Variants in PDCD6 observed in about 807,000 individuals in gnomAD.
The protein encoded by PDCD6 is programmed cell death protein 6.
Under a neutral mutation model 28.3 loss-of-function variants are expected in PDCD6, and 12 were observed. The ratio of observed to expected loss-of-function variants is 0.42; its 90% CI spans 0.27 to 0.69. The LOEUF (loss-of-function observed/expected upper bound fraction) is 0.69. Among genes scored for constraint, PDCD6 ranks in the 30% least tolerant of loss-of-function variants. The probability of loss-of-function intolerance (pLI) is 0.22; values close to 1 mark genes in which losing one functional copy is unlikely to be tolerated. For synonymous variants in PDCD6, 92 were observed against 108.0 expected (o/e 0.85, Z 0.92); for missense variants, 226 against 269.9 (o/e 0.84, Z 1.14).
chr5:271,877 C>A, intron 1 of PDCD6, 56 bp downstream of exon 1: 1 of 986,788 alleles, frequency 1.0e-6, no homozygotes, highest in East Asian at 3.2e-5. Flanking sequence ...GCCCCGACCC[C>A]TGTCCCGACT....
Position 307,377 on chromosome 5 carries a change from C to T in PDCD6, c.367+617C>T, listed in dbSNP as rs567033617. ...CGTGTGTGTGCACACGTGTGCCGTG[C>T]GCCTCAGAAGGGGCGTTAGGCAGAA... is the stretch of plus-strand genomic sequence containing the variant. On this transcript the variant is annotated intron_variant, in intron 4 of 5. Coordinates refer to ENST00000264933, the MANE Select transcript of PDCD6 (RefSeq NM_013232.4). The surrounding 1 kb of genome is among the most constrained non-coding windows in gnomAD (Gnocchi z 6.1). 2.0e-5 allele frequency among the ~76,000 whole-genome samples: 3 copies of T among 149,104 alleles called. No homozygotes were observed. The highest frequency in any genetic ancestry group is 6.7e-5 in the Admixed American group (1 of 14,956).
chr5:295,922 G>A (rs1002550779), intron 2 of PDCD6, among the ~76,000 whole-genome samples: 4 of 151,518 alleles, frequency 2.6e-5, no homozygotes, highest in Admixed American at 2.6e-4. Context: ...GTGACTGTGT[G>A]TAAGGAAAAC....
chr5:306,696 G>A lies in PDCD6; in HGVS notation c.303G>A (p.Thr101=), dbSNP rs539994267. ...YITDWQNVFR[T]YDRDNSGMID... is the part of the protein sequence containing the mutation. Reference sequence around the variant, plus strand: ...CGGACTGGCAGAACGTCTTCCGCACGTACGACCGGGACAACTCCGGGATGA... The same window carrying A: ...CGGACTGGCAGAACGTCTTCCGCACATACGACCGGGACAACTCCGGGATGA... Residue 101 remains threonine, a synonymous_variant, in exon 4 of 6, where the codon ACG becomes ACA. Coordinates refer to ENST00000264933, the MANE Select transcript of PDCD6 (RefSeq NM_013232.4). 1.4e-5 allele frequency: 23 copies of A among 1,613,940 alleles called. No individual in the cohort carries two copies. Among genetic ancestry groups the A allele is most frequent in the East Asian group, 1.3e-4 (6 of 44,898 alleles).
intron 2 of PDCD6, among the ~76,000 whole-genome samples, chr5:297,171 G>T (rs1739673581): frequency 6.6e-6 from 1 of 152,134 alleles, no homozygotes; most frequent in Admixed American, 6.5e-5. Flanking sequence ...GCAGAATGTT[G>T]TGCAAAAACC....
chr5:286,595 C>T (rs1738986632), intron 2 of PDCD6, among the ~76,000 whole-genome samples: 1 of 150,284 alleles, frequency 6.7e-6, no homozygotes. Context: ...AGGACCGTGC[C>T]ACTGGAGAGC....
chr5:283,224 G>A (rs1395061823), intron 2 of PDCD6, among the ~76,000 whole-genome samples: 2 of 151,768 alleles, frequency 1.3e-5, no homozygotes, highest in Non-Finnish European at 2.9e-5. Context: ...GACTCGGGGA[G>A]GAGCTGATGT....
Position 306,648 on chromosome 5 carries a change from C to T in PDCD6, c.255C>T (p.Phe85=). The part of the protein sequence containing the change: ...ENKAGVNFSE[F]TGVWKYITDW... Reference sequence around the variant, plus strand: ...AGGCCGGCGTGAACTTCAGCGAGTTCACGGGTGTGTGGAAGTACATCACGG... The same window carrying T: ...AGGCCGGCGTGAACTTCAGCGAGTTTACGGGTGTGTGGAAGTACATCACGG... The change falls in exon 4 of 6, where the codon TTC becomes TTT. Residue 85 remains phenylalanine (F), a synonymous_variant. Coordinates refer to ENST00000264933, the MANE Select transcript of PDCD6 (RefSeq NM_013232.4). 6.2e-7 allele frequency: 1 copy of T among 1,614,014 alleles called. No homozygotes were observed. The highest frequency in any genetic ancestry group is 8.5e-7 in the Non-Finnish European group (1 of 1,179,996).
chr5:309,699 GGGCCGCCGTCCCCGTGCACCCCAGTGAT>G (rs1740777335), intron 4 of PDCD6: 1 of 53,654 alleles, frequency 1.9e-5, no homozygotes, highest in African/African-American at 6.4e-5. Context: ...ACCCCAGTGA[GGGCCGCCGTCCCCGTGCACCCCAGTGAT>G]GGCCGCCGTC....
chr5:278,826 A>ATG (rs1313778357), intron 2 of PDCD6, among the ~76,000 whole-genome samples: 104 of 141,432 alleles, frequency 7.4e-4, no homozygotes, highest in South Asian at 4.3e-3. Context: ...GGTGCTGGGG[A>ATG]CACAGGAGGG....
intron 4 of PDCD6, 108 bp from the exon 5 acceptor site, chr5:311,184 CT>C (rs1740890194): frequency 1.3e-6 from 1 of 799,366 alleles, no homozygotes; most frequent in Non-Finnish European, 2.2e-6. Flanking sequence ...CCCACACAGC[CT>C]TGCATTGTGT....
intron 5 of PDCD6, among the ~76,000 whole-genome samples, chr5:313,066 G>A (rs1320461802): frequency 6.6e-6 from 1 of 152,190 alleles, no homozygotes; most frequent in African/African-American, 2.4e-5. Context: ...AGCTCCTCCT[G>A]GGAGATGCCT....
At position 281,228 on chromosome 5, in the gene PDCD6, C is replaced by T. The variant is rs183786647; in HGVS notation, c.163+8456C>T. Reference sequence around the variant, plus strand: ...TGAAAACAAAACATTTATTCATTTACTTCTGCTGCAGTTTTCTTGACTGCT... The same window carrying T: ...TGAAAACAAAACATTTATTCATTTATTTCTGCTGCAGTTTTCTTGACTGCT... On this transcript the variant is annotated intron_variant, in intron 2 of 5. Transcript: ENST00000264933. Among the ~76,000 whole-genome samples, 37 of 152,364 alleles carry T rather than the reference C, an allele frequency of 2.4e-4. No individual in the cohort carries two copies. The Middle Eastern group carries it at 0.01, about 42-fold the overall frequency.
chr5:272,757 C>T lies in PDCD6; in HGVS notation c.148C>T (p.Gln50Ter). The T allele has an allele frequency of 6.3e-7, 1 of 1,587,446 alleles. No homozygotes were observed. Among genetic ancestry groups the T allele is most frequent in the Non-Finnish European group, 8.5e-7 (1 of 1,172,664 alleles). ...AGTGATATCAGACACCGAGCTTCAG[C>T]AAGCTCTCTCCAACGGTGAGTGGGC... is the stretch of plus-strand genomic sequence containing the variant. ...SGVISDTELQ[Q>*]ALSNGTWTPF... Residue 50 changes from glutamine (Q) to a stop codon, truncating the protein, a stop_gained, in exon 2 of 6, where the codon CAA becomes TAA. Coordinates refer to ENST00000264933, the MANE Select transcript of PDCD6 (RefSeq NM_013232.4). LOFTEE classifies it high-confidence loss of function.
At chr5:298,508 G>GGGCTC (rs1739761331) in intron 2 of PDCD6, among the ~76,000 whole-genome samples, 1 of 151,840 alleles carries the variant, frequency 6.6e-6, no homozygotes, top group African/African-American at 2.4e-5. Context: ...AAGCTCTGTG[G>GGGCTC]GGCTCCGGCA....
chr5:276,951 G>C, intron 2 of PDCD6: 1 of 985,056 alleles, frequency 1.0e-6, no homozygotes, highest in South Asian at 4.7e-5. Context: ...TCTTGAGTTT[G>C]ATCCCTTTTC....
chr5:302,868 A>G (rs1337566455), intron 2 of PDCD6, among the ~76,000 whole-genome samples: 70 of 96,042 alleles, frequency 7.3e-4, no homozygotes, highest in East Asian at 1.4e-3. Context: ...TGGAGGGCGG[A>G]TCATTGAGTG....
At chr5:291,183 C>T (rs1185402249) in intron 2 of PDCD6, among the ~76,000 whole-genome samples, 7 of 152,104 alleles carry the variant, frequency 4.6e-5, no homozygotes, top group Non-Finnish European at 2.9e-5. Flanking sequence ...TCTTTCACCA[C>T]GTATCTGCAC....
intron 1 of PDCD6, 104 bp downstream of exon 1, chr5:271,925 G>T (rs1737835228): frequency 3.7e-6 from 2 of 539,356 alleles, no homozygotes; most frequent in South Asian, 7.7e-5. Context: ...TTCTACTGCG[G>T]CCTCCTCCGT....
intron 2 of PDCD6, among the ~76,000 whole-genome samples, chr5:292,698 G>A (rs1248620788): frequency 6.6e-6 from 1 of 152,258 alleles, no homozygotes; most frequent in African/African-American, 2.4e-5. Context: ...AGGGATAGAA[G>A]GGTATGGAGA....
Sources: allele counts gnomAD v4.1 joint callset (sites outside exome capture counted in the v4.1 genomes callset), GRCh38; gene constraint gnomAD v4.1.1; non-coding constraint Gnocchi (gnomAD v3.1); transcripts MANE v1.5; gene names NCBI Gene and HGNC (gene_info 2026-07-23, HGNC 2026-07-21).